The following TBL1X variants were observed in gnomAD, a reference collection of about 807,000 sequenced individuals.
TBL1X encodes F-box-like/WD repeat-containing protein TBL1X.
In TBL1X, 10 loss-of-function variants were observed where a neutral mutation model predicts 50.7. The ratio of observed to expected loss-of-function variants is 0.20; its 90% CI spans 0.12 to 0.33. The LOEUF (loss-of-function observed/expected upper bound fraction) is 0.33, where lower values mean the gene tolerates loss of function less well. Among genes scored for constraint, TBL1X ranks in the 10% least tolerant of loss-of-function variants. The pLI, the probability that TBL1X is intolerant of heterozygous loss-of-function variation, is 1.00. For synonymous variants in TBL1X, 190 were observed against 214.7 expected (o/e 0.88, Z 1.01); for missense variants, 340 against 504.4 (o/e 0.67, Z 3.12).
At chrX:9,491,306 T>TTATATATATATATATATA (rs757466880) in intron 1 of TBL1X, among the ~76,000 whole-genome samples, 2 of 51,901 alleles carry the variant, frequency 3.9e-5, no homozygotes, top group African/African-American at 1.6e-4. Flanking sequence ...GCCAGTATAT[T>TTATATATATATATATATA]TATATATATA....
intron 2 of TBL1X, among the ~76,000 whole-genome samples, chrX:9,549,631 G>A (rs2082261283): frequency 1.8e-5 from 2 of 111,677 alleles, no homozygotes; most frequent in Admixed American, 1.9e-4. Flanking sequence ...TGCATCCCAA[G>A]CGGTTGTAAA....
chrX:9,502,521 T>C (rs934563191), intron 2 of TBL1X, among the ~76,000 whole-genome samples: 1 of 112,108 alleles, frequency 8.9e-6, no homozygotes, highest in African/African-American at 3.2e-5. Context: ...TTCCCATACA[T>C]GTAGAACCTC....
chrX:9,548,917 A>G (rs189920710), intron 2 of TBL1X, among the ~76,000 whole-genome samples: 57 of 113,132 alleles, frequency 5.0e-4, no homozygotes, highest in African/African-American at 1.5e-3. Context: ...CTGCAATGCA[A>G]TCTTTCTTGA....
intron 2 of TBL1X, among the ~76,000 whole-genome samples, chrX:9,609,552 G>A (rs2082603173): frequency 9.0e-6 from 1 of 111,210 alleles, no homozygotes; most frequent in Non-Finnish European, 1.9e-5. Flanking sequence ...TGAAGTACAT[G>A]TTCCATCATT....
At chrX:9,654,770 A>G (rs1281750671) in intron 5 of TBL1X, among the ~76,000 whole-genome samples, 3 of 110,987 alleles carry the variant, frequency 2.7e-5, no homozygotes, top group African/African-American at 6.6e-5. Flanking sequence ...GCATCTTCCA[A>G]CATTTTTGAT....
At chrX:9,559,507 A>T (rs1158673241) in intron 2 of TBL1X, among the ~76,000 whole-genome samples, 2 of 111,560 alleles carry the variant, frequency 1.8e-5, no homozygotes, top group Non-Finnish European at 3.8e-5. Flanking sequence ...TACGATGAAT[A>T]CTCTATCAAA....
chrX:9,479,767 C>G (rs1273882937), intron 1 of TBL1X, among the ~76,000 whole-genome samples: 1 of 111,618 alleles, frequency 9.0e-6, no homozygotes, highest in Non-Finnish European at 1.9e-5. Flanking sequence ...GCCGGCTCCC[C>G]TGGCTAGGCT....
intron 5 of TBL1X, among the ~76,000 whole-genome samples, chrX:9,676,210 C>T (rs1006078720): frequency 8.9e-6 from 1 of 112,371 alleles, no homozygotes; most frequent in Non-Finnish European, 1.9e-5. Context: ...ACATGAGCGT[C>T]TCTGCACCTA....
upstream of TBL1X, chrX:9,463,436 C>T (rs1414260994): frequency 8.9e-6 from 1 of 112,305 alleles, no homozygotes; most frequent in Non-Finnish European, 1.9e-5. Context: ...ACAATCTATT[C>T]TGCTGATTCA....
At chrX:9,518,278 C>T (rs777436681) in intron 2 of TBL1X, among the ~76,000 whole-genome samples, 2 of 111,453 alleles carry the variant, frequency 1.8e-5, no homozygotes, top group East Asian at 2.8e-4. Flanking sequence ...GTCTGTCTTG[C>T]GAAGCCTAAG....
chrX:9,624,005 A>G (rs2082680206), intron 2 of TBL1X, among the ~76,000 whole-genome samples: 1 of 112,288 alleles, frequency 8.9e-6, no homozygotes, highest in Non-Finnish European at 1.9e-5. Flanking sequence ...TTATAATTCC[A>G]AAGTGTGGCT....
intron 2 of TBL1X, among the ~76,000 whole-genome samples, chrX:9,527,603 G>A (rs952706376): frequency 9.0e-6 from 1 of 111,198 alleles, no homozygotes; most frequent in African/African-American, 3.3e-5. Flanking sequence ...GTTAGAGGTC[G>A]GCAAACCTTT....
chrX:9,603,824 C>T (rs1431230532), intron 2 of TBL1X, among the ~76,000 whole-genome samples: 2 of 111,081 alleles, frequency 1.8e-5, no homozygotes, highest in East Asian at 2.8e-4. Flanking sequence ...AGGATGCTTC[C>T]TGCATCCCCT....
At chrX:9,651,325 G>C (rs987837576) in intron 3 of TBL1X, among the ~76,000 whole-genome samples, 1 of 112,374 alleles carries the variant, frequency 8.9e-6, no homozygotes. Context: ...GATGATAGGT[G>C]TGTGCCACTG....
intron 2 of TBL1X, among the ~76,000 whole-genome samples, chrX:9,542,324 A>G (rs1033625883): frequency 1.8e-5 from 2 of 111,147 alleles, no homozygotes; most frequent in African/African-American, 6.6e-5. Flanking sequence ...CTGACACTGG[A>G]TGATTTATTT....
intron 2 of TBL1X, among the ~76,000 whole-genome samples, chrX:9,525,018 A>G (rs1263806346): frequency 8.9e-6 from 1 of 111,841 alleles, no homozygotes; most frequent in African/African-American, 3.3e-5. Context: ...GGAGTTGGCA[A>G]TGGAAGTGGG....
Position 9,562,677 on chromosome X carries a change from T to C in TBL1X, c.-131+60828T>C, listed in dbSNP as rs137878685. ...GAAAATGTATTTCTCCATGAATCTT[T>C]ACATAGAAAAATGAAAGATTTTTCC... On this transcript the variant is annotated intron_variant, in intron 2 of 17. Coordinates refer to ENST00000645353, the MANE Select transcript of TBL1X (RefSeq NM_005647.4). Among the ~76,000 whole-genome samples the C allele has an allele frequency of 5.9e-3, 661 of 111,672 alleles. 3 individuals carry two copies. The highest frequency in any genetic ancestry group is 0.021 in the African/African-American group (630 of 30,698).
intron 2 of TBL1X, among the ~76,000 whole-genome samples, chrX:9,590,989 G>T (rs752301559): frequency 6.0e-5 from 6 of 100,065 alleles, no homozygotes; most frequent in African/African-American, 1.8e-4. Context: ...GTGTATGTGT[G>T]GGGGGGATAG....
chrX:9,650,800 T>A (rs1010420781), intron 3 of TBL1X, among the ~76,000 whole-genome samples: 4 of 111,770 alleles, frequency 3.6e-5, no homozygotes, highest in African/African-American at 1.3e-4. Context: ...ATTGTGAAAA[T>A]GTAATTGCTC....
Sources: allele counts gnomAD v4.1 joint callset (sites outside exome capture counted in the v4.1 genomes callset), GRCh38; gene constraint gnomAD v4.1.1; transcripts MANE v1.5; gene names NCBI Gene and HGNC (gene_info 2026-07-23, HGNC 2026-07-21).